GANAB: variants seen among roughly 807,000 people sequenced by gnomAD.
GANAB encodes the protein glucosidase II alpha subunit, also known as neutral alpha-glucosidase AB.
Under a neutral mutation model 129.9 loss-of-function variants are expected in GANAB, and 35 were observed. That is an observed-to-expected ratio of 0.27 (90% CI 0.21 to 0.36). GANAB has a LOEUF of 0.36. Ranked by LOEUF, GANAB falls within the 10% of genes least tolerant of loss-of-function variation. GANAB has a pLI of 1.00. For missense variants in GANAB, 939 were observed against 1,221.0 expected, an observed-to-expected ratio of 0.77 and a Z score of 3.44; for synonymous variants, 482 against 451.8, an observed-to-expected ratio of 1.07 and a Z score of -0.85.
chr11:62,635,271 G>A (rs553760041), intron 4 of GANAB, among the ~76,000 whole-genome samples: 5 of 150,920 alleles, frequency 3.3e-5, no homozygotes, highest in East Asian at 2.0e-4. Context: ...CGCAACCTCC[G>A]TCTCCCAGGT....
At chr11:62,636,747 C>A (rs1943959258) in intron 4 of GANAB, among the ~76,000 whole-genome samples, 1 of 151,188 alleles carries the variant, frequency 6.6e-6, no homozygotes, top group Admixed American at 6.6e-5. Context: ...GCTACTCGGG[C>A]ATAGTGGTGC....
At chr11:62,641,672 C>A (rs994749540) in intron 1 of GANAB, among the ~76,000 whole-genome samples, 5 of 152,046 alleles carry the variant, frequency 3.3e-5, no homozygotes, top group Non-Finnish European at 7.4e-5. Context: ...CCTCCGCCTC[C>A]CAGGTTCAAG....
chr11:62,639,237 C>A (rs545641406), intron 3 of GANAB, 122 bp downstream of exon 3: 1 of 1,313,518 alleles, frequency 7.6e-7, no homozygotes, highest in African/African-American at 1.5e-5. Context: ...GATCACATTT[C>A]TTCATAAAGT....
At chr11:62,644,596 G>C (rs1403057574) in intron 1 of GANAB, among the ~76,000 whole-genome samples, 2 of 152,126 alleles carry the variant, frequency 1.3e-5, no homozygotes, top group African/African-American at 4.8e-5. Flanking sequence ...CTCCAGCCTG[G>C]GCCACAGCAC....
intron 1 of GANAB, among the ~76,000 whole-genome samples, chr11:62,645,725 G>C (rs561502312): frequency 6.6e-6 from 1 of 152,238 alleles, no homozygotes; most frequent in African/African-American, 2.4e-5. Flanking sequence ...GTGTTCATAG[G>C]CCAAAGTCAG....
intron 10 of GANAB, 83 bp from the exon 11 acceptor site, chr11:62,630,919 AG>A (rs1361805862): frequency 1.1e-5 from 16 of 1,482,750 alleles, no homozygotes; most frequent in Non-Finnish European, 1.5e-5. Context: ...AACTAGAGGC[AG>A]GCTGAGGGGT....
Position 62,645,297 on chromosome 11 carries a change from G to A in GANAB, c.38+1265C>T, listed in dbSNP as rs1054556291. 5.3e-5 allele frequency among the ~76,000 whole-genome samples: 8 copies of A among 152,162 alleles called. No individual in the cohort carries two copies. In the East Asian group the frequency reaches 7.7e-4, roughly 15 times the overall value. ...CACGCCTGTAATCCCAGCACTTTGG[G>A]AGGCCGAGGCGGGTGGATCACGAGG... is the stretch of plus-strand genomic sequence containing the variant. On this transcript the variant is annotated intron_variant, in intron 1 of 23. Transcript: ENST00000356638.
chr11:62,629,673 A>C lies in GANAB; in HGVS notation c.1749T>G (p.Thr583=). ...CAGAGCGCTGTCTCAGCCCATCAGCAGTCGCCATGTGCTGGGTGAGGAGAG... is the reference window on the plus strand; with the variant it reads ...CAGAGCGCTGTCTCAGCCCATCAGCCGTCGCCATGTGCTGGGTGAGGAGAG... ...NIYGLYVHMA[T]ADGLRQRSGG... is the part of the protein sequence containing the mutation. The change falls in exon 15 of 24, where the codon ACT becomes ACG. Residue 583 remains threonine (T), a synonymous_variant. Coordinates refer to ENST00000356638, the MANE Select transcript of GANAB (RefSeq NM_198334.3). 8 of 1,613,376 alleles carry C rather than the reference A, an allele frequency of 5.0e-6. No homozygotes were observed. The highest frequency in any genetic ancestry group is 6.8e-6 in the Non-Finnish European group (8 of 1,179,508).
rs560910776 is a variant in GANAB, at chr11:62,631,465, ATTCT to A, written c.997-286_997-283del. Among the ~76,000 whole-genome samples the A allele has an allele frequency of 3.0e-3, 438 of 146,922 alleles. 1 individual carries two copies. Among genetic ancestry groups the A allele is most frequent in the Non-Finnish European group, 4.9e-3 (324 of 66,784 alleles). Reference sequence around the variant, plus strand: ...CTTAATCACCCCAAACTCATCTTGCATTCTTTTTTTTTTTTTTAGACAGAGTCTC... The same window carrying A: ...CTTAATCACCCCAAACTCATCTTGCATTTTTTTTTTTTTAGACAGAGTCTC... On this transcript the variant is annotated intron_variant, in intron 9 of 23. Coordinates refer to ENST00000356638, the MANE Select transcript of GANAB (RefSeq NM_198334.3).
intron 1 of GANAB, among the ~76,000 whole-genome samples, chr11:62,641,577 C>T (rs1294709256): frequency 9.7e-6 from 1 of 102,768 alleles, no homozygotes; most frequent in Non-Finnish European, 2.0e-5. Flanking sequence ...TTTAATACTG[C>T]CTGCAGTTTT....
In GANAB at chr11:62,632,989, T is replaced by A. The variant is rs1355438004; in HGVS notation, c.815+16A>T. 4.1e-6 allele frequency: 6 copies of A among 1,472,764 alleles called. No individual in the cohort carries two copies. Among genetic ancestry groups the A allele is most frequent in the Non-Finnish European group, 4.8e-6 (5 of 1,051,626 alleles). The allele number at this position is 1,472,764 out of a possible 1,614,324, so 91.2% of individuals were successfully genotyped here. A position where few individuals can be genotyped will look rare whatever the true frequency, so the allele number is the denominator to read the frequency against. ...CCTGCCCACCTCCATCTTCCTGATG[T>A]CACCATAGGACTCACTCAGTGACCT... is the stretch of plus-strand genomic sequence containing the variant. On this transcript the variant is annotated intron_variant, in intron 8 of 23. Transcript: ENST00000356638.
intron 1 of GANAB, among the ~76,000 whole-genome samples, chr11:62,643,047 C>T (rs1040100901): frequency 6.6e-6 from 1 of 152,194 alleles, no homozygotes; most frequent in Non-Finnish European, 1.5e-5. Flanking sequence ...TGAGGACCAT[C>T]ATCCCAAGGT....
intron 4 of GANAB, among the ~76,000 whole-genome samples, chr11:62,637,226 T>G (rs1943984697): frequency 6.6e-6 from 1 of 152,170 alleles, no homozygotes; most frequent in Non-Finnish European, 1.5e-5. Context: ...AGTATGAACT[T>G]TAGTAACTAA....
At chr11:62,634,227 C>G in intron 5 of GANAB, 1 of 910,592 alleles carries the variant, frequency 1.1e-6, no homozygotes, top group South Asian at 1.3e-5. Context: ...CTGGAAGGGT[C>G]TGGGGCACCT....
At chr11:62,641,897 G>C (rs1181429548) in intron 1 of GANAB, among the ~76,000 whole-genome samples, 1 of 151,468 alleles carries the variant, frequency 6.6e-6, no homozygotes, top group African/African-American at 2.4e-5. Context: ...AAAAAGTTGT[G>C]GTTTTTGTTT....
At position 62,626,884 on chromosome 11, in the gene GANAB, C is replaced by A; in HGVS notation, c.2373G>T (p.Leu791=). ...CACTGCTTAGAGTTACAGGCAGGTA[C>A]AGGGTCTGGGGACCATGATGCTTCT... ...SYQKHHGPQT[L]YLPVTLSSIP... Residue 791 remains leucine, a synonymous_variant, in exon 20 of 24, where the codon CTG becomes CTT. Coordinates refer to ENST00000356638, the MANE Select transcript of GANAB (RefSeq NM_198334.3). 1 of 1,612,318 alleles carries A rather than the reference C, an allele frequency of 6.2e-7. No individual in the cohort carries two copies.
chr11:62,626,782 G>C, intron 20 of GANAB, 78 bp downstream of exon 20: 1 of 1,325,820 alleles, frequency 7.5e-7, no homozygotes, highest in Non-Finnish European at 1.1e-6. Flanking sequence ...ATAGGTACTG[G>C]ACCCTAAGGC....
rs777394229 is a variant in GANAB, at chr11:62,634,352, G to A, written c.560+469C>T. On this transcript the variant is annotated intron_variant, in intron 5 of 23. Transcript: ENST00000356638. Reference sequence around the variant, plus strand: ...GATCTTATCCCATATGCTACCAAGCGTGAGATTAACCTTATCCGAGAAACT... The same window carrying A: ...GATCTTATCCCATATGCTACCAAGCATGAGATTAACCTTATCCGAGAAACT... 30 of 1,611,676 alleles carry A rather than the reference G, an allele frequency of 1.9e-5. No individual in the cohort carries two copies. Among genetic ancestry groups the A allele is most frequent in the South Asian group, 3.3e-5 (3 of 91,050 alleles).
At chr11:62,642,260 G>T (rs1944304766) in intron 1 of GANAB, among the ~76,000 whole-genome samples, 1 of 152,008 alleles carries the variant, frequency 6.6e-6, no homozygotes, top group South Asian at 2.1e-4. Context: ...TCACTTTGTT[G>T]CCCAGGCTGG....
Sources: gnomAD v4.1 joint callset for allele counts (sites outside exome capture counted in the v4.1 genomes callset) on GRCh38, gnomAD v4.1.1 for gene constraint, MANE v1.5 for transcripts, NCBI Gene and HGNC (gene_info 2026-07-23, HGNC 2026-07-21) for gene names.